KLF12: variants seen among roughly 807,000 people sequenced by gnomAD.
The protein encoded by KLF12 is KLF transcription factor 12, also known as Krueppel-like factor 12.
A neutral mutation model predicts 37.8 loss-of-function variants in KLF12; 9 were observed. The observed-to-expected ratio is 0.24, with a 90% CI of 0.14 to 0.42. The LOEUF is 0.42. KLF12 is among the 10% of genes least tolerant of loss of function. The probability of loss-of-function intolerance (pLI) is 1.00; values close to 1 mark genes in which losing one functional copy is unlikely to be tolerated. For missense variants in KLF12, 411 were observed against 516.0 expected, an observed-to-expected ratio of 0.80 and a Z score of 1.97; for synonymous variants, 208 against 202.1, an observed-to-expected ratio of 1.03 and a Z score of -0.25.
Position 73,966,696 on chromosome 13 carries a change from C to T in KLF12, c.34-22626G>A, listed in dbSNP as rs538253205. On this transcript the variant is annotated intron_variant, in intron 2 of 7. Transcript: ENST00000377669. ...TGCCCCCAATCTTCCACAATCCTTTCTCCTGTTCAAGAGACAGCAACCTTA... is the reference window on the plus strand; with the variant it reads ...TGCCCCCAATCTTCCACAATCCTTTTTCCTGTTCAAGAGACAGCAACCTTA... Among the ~76,000 whole-genome samples the T allele has an allele frequency of 2.7e-4, 41 of 152,328 alleles. No homozygotes were observed. In the South Asian group the frequency reaches 3.1e-3, roughly 12 times the overall value.
the KLF12 span, among the ~76,000 whole-genome samples, chr13:74,226,199 G>C: frequency 6.6e-6 from 1 of 152,102 alleles, no homozygotes; most frequent in Non-Finnish European, 1.5e-5. Flanking sequence ...AATAATCCAG[G>C]TGAGAATTGA....
chr13:74,071,936 T>C (rs1212762000), intron 1 of KLF12, among the ~76,000 whole-genome samples: 1 of 152,120 alleles, frequency 6.6e-6, no homozygotes, highest in Non-Finnish European at 1.5e-5. Context: ...GTTAGTGTAA[T>C]GTAATGAATA....
chr13:74,125,785 A>T (rs1434412710), intron 1 of KLF12, among the ~76,000 whole-genome samples: 1 of 152,210 alleles, frequency 6.6e-6, no homozygotes, highest in Non-Finnish European at 1.5e-5. Flanking sequence ...TGTCAATATG[A>T]TCTACAACAA....
chr13:73,977,337 C>T (rs1313986579), intron 2 of KLF12, among the ~76,000 whole-genome samples: 1 of 152,106 alleles, frequency 6.6e-6, no homozygotes, highest in Non-Finnish European at 1.5e-5. Context: ...AGCCACCGTG[C>T]CCAGCTAGAT....
chr13:74,090,244 C>T (rs973489990), intron 1 of KLF12, among the ~76,000 whole-genome samples: 12 of 151,648 alleles, frequency 7.9e-5, no homozygotes, highest in Admixed American at 3.9e-4. Flanking sequence ...AAGTATAAAA[C>T]CTATACTCTG....
chr13:74,255,128 G>A, the KLF12 span, among the ~76,000 whole-genome samples: 2 of 152,136 alleles, frequency 1.3e-5, no homozygotes, highest in African/African-American at 2.4e-5. Context: ...TATATCTTCT[G>A]TAACAGATAT....
At chr13:73,995,176 G>A (rs536016007) in intron 1 of KLF12, 123 bp from the exon 2 acceptor site, 38 of 638,118 alleles carry the variant, frequency 6.0e-5, no homozygotes, top group South Asian at 4.2e-4. Context: ...ATAGAGCTGA[G>A]GAATATCTTT....
At chr13:73,867,097 T>G (rs909819371) in intron 3 of KLF12, among the ~76,000 whole-genome samples, 3 of 151,834 alleles carry the variant, frequency 2.0e-5, no homozygotes, top group African/African-American at 7.3e-5. Context: ...GCATACAGTG[T>G]GATGGTATAA....
the KLF12 span, among the ~76,000 whole-genome samples, chr13:74,178,376 A>G: frequency 6.6e-6 from 1 of 152,326 alleles, no homozygotes; most frequent in Admixed American, 6.5e-5. Flanking sequence ...CCTTAAAAGA[A>G]ATGGGTTCTT....
intron 6 of KLF12, among the ~76,000 whole-genome samples, chr13:73,719,154 T>G (rs987226515): frequency 6.6e-6 from 1 of 151,990 alleles, no homozygotes. Context: ...TGTGGAAAGG[T>G]AGGAAGGTAA....
At chr13:73,964,431 T>C (rs562337784) in intron 2 of KLF12, among the ~76,000 whole-genome samples, 2 of 152,206 alleles carry the variant, frequency 1.3e-5, no homozygotes, top group South Asian at 4.1e-4. Context: ...TTATTGGACA[T>C]TGACAATAGC....
chr13:74,050,711 A>G (rs1200260347), intron 1 of KLF12, among the ~76,000 whole-genome samples: 1 of 152,230 alleles, frequency 6.6e-6, no homozygotes, highest in Admixed American at 6.5e-5. Flanking sequence ...AAAAGCAAAC[A>G]TCAACAAATG....
the KLF12 span, among the ~76,000 whole-genome samples, chr13:74,305,147 T>G: frequency 6.6e-6 from 1 of 152,114 alleles, no homozygotes; most frequent in African/African-American, 2.4e-5. Context: ...ATAATTGTTT[T>G]CTGTACTTCA....
the KLF12 span, among the ~76,000 whole-genome samples, chr13:74,277,118 C>A: frequency 6.6e-6 from 1 of 152,188 alleles, no homozygotes; most frequent in Non-Finnish European, 1.5e-5. Context: ...CAATCTCATT[C>A]TGGTTCTCCT....
chr13:73,760,890 G>A (rs1313258230), intron 6 of KLF12, among the ~76,000 whole-genome samples: 8 of 152,126 alleles, frequency 5.3e-5, no homozygotes, highest in African/African-American at 1.4e-4. Flanking sequence ...AAATGTGCAC[G>A]TCTTTAGAAT....
intron 1 of KLF12, among the ~76,000 whole-genome samples, chr13:74,005,120 T>C (rs934693876): frequency 9.9e-5 from 15 of 152,182 alleles, no homozygotes; most frequent in Non-Finnish European, 2.2e-4. Flanking sequence ...TGCATAGTTT[T>C]GGCAAAATAT....
chr13:74,052,826 G>A (rs891802816), intron 1 of KLF12, among the ~76,000 whole-genome samples: 1 of 152,144 alleles, frequency 6.6e-6, no homozygotes, highest in African/African-American at 2.4e-5. Context: ...TCTCTCCCCT[G>A]TGTATCATCT....
At chr13:74,238,209 T>C in the KLF12 span, among the ~76,000 whole-genome samples, 2 of 131,390 alleles carry the variant, frequency 1.5e-5, 1 homozygote. Context: ...ATGTGGTTTT[T>C]GTCTTTGGCT....
At chr13:74,237,845 A>G in the KLF12 span, among the ~76,000 whole-genome samples, 78 of 152,350 alleles carry the variant, frequency 5.1e-4, no homozygotes, top group Non-Finnish European at 8.4e-4. Context: ...TTGGGCTGAG[A>G]CAATGGGGTT....
Sources: gnomAD v4.1 joint callset for allele counts (sites outside exome capture counted in the v4.1 genomes callset) on GRCh38, gnomAD v4.1.1 for gene constraint, MANE v1.5 for transcripts, NCBI Gene and HGNC (gene_info 2026-07-23, HGNC 2026-07-21) for gene names.